The following CORO2B variants were observed in gnomAD, a reference collection of about 807,000 sequenced individuals.
CORO2B encodes coronin 2B, also known as coronin-2B.
Under a neutral mutation model 58.8 loss-of-function variants are expected in CORO2B, and 26 were observed. The ratio of observed to expected loss-of-function variants is 0.44; its 90% CI spans 0.32 to 0.61. The LOEUF (loss-of-function observed/expected upper bound fraction) is 0.61. Among genes scored for constraint, CORO2B ranks in the 20% least tolerant of loss-of-function variants. The probability of loss-of-function intolerance (pLI) is 0.04; values close to 1 mark genes in which losing one functional copy is unlikely to be tolerated. For synonymous variants in CORO2B, 242 were observed against 253.8 expected, an observed-to-expected ratio of 0.95 and a Z score of 0.44; for missense variants, 460 against 645.1, an observed-to-expected ratio of 0.71 and a Z score of 3.11.
intron 1 of CORO2B, among the ~76,000 whole-genome samples, chr15:68,608,826 A>G (rs996148483): frequency 1.3e-5 from 2 of 152,222 alleles, no homozygotes; most frequent in African/African-American, 4.8e-5. Context: ...GGGAGTTGAA[A>G]TTCCGCACTC....
At chr15:68,559,747 C>A in the CORO2B span, 1 of 543,348 alleles carries the variant, frequency 1.8e-6, no homozygotes, top group Non-Finnish European at 2.3e-6. The surrounding 1 kb of genome is among the most constrained non-coding windows in gnomAD (Gnocchi z 4.3). Context: ...CGCCCGAGAC[C>A]GCTCCACGTG....
chr15:68,663,424 T>C (rs1902077504), intron 2 of CORO2B, among the ~76,000 whole-genome samples: 1 of 152,182 alleles, frequency 6.6e-6, no homozygotes, highest in Admixed American at 6.5e-5. Context: ...ATCCCTAGAA[T>C]TTAAATGGAT....
intron 1 of CORO2B, among the ~76,000 whole-genome samples, chr15:68,642,250 A>G (rs1168216769): frequency 6.6e-6 from 1 of 151,904 alleles, no homozygotes; most frequent in African/African-American, 2.4e-5. Flanking sequence ...AGGTTAAGTG[A>G]TTTGCCCAAG....
At chr15:68,672,295 G>A (rs1339587301) in intron 2 of CORO2B, among the ~76,000 whole-genome samples, 3 of 152,024 alleles carry the variant, frequency 2.0e-5, no homozygotes, top group South Asian at 2.1e-4. Context: ...GGGTGCAGTG[G>A]TACAATCATA....
intron 2 of CORO2B, among the ~76,000 whole-genome samples, chr15:68,670,798 T>C (rs1322794972): frequency 6.6e-6 from 1 of 152,202 alleles, no homozygotes; most frequent in African/African-American, 2.4e-5. Context: ...AAAAATATTA[T>C]AATATTGGGT....
Position 68,710,609 on chromosome 15 carries a change from C to A in CORO2B, c.334-123C>A. On this transcript the variant is annotated intron_variant, in intron 3 of 11. Transcript: ENST00000261861. This position sits in a 1 kb window ranked among gnomAD's most constrained non-coding sequence, Gnocchi z 4.1. ...CTCAGTCGAGCTTTGCCCATCGCCT[C>A]AAGCCAGGAGGTGGCTCATCAGGCA... The A allele has an allele frequency of 8.2e-7, 1 of 1,216,354 alleles. No homozygotes were observed. Among genetic ancestry groups the A allele is most frequent in the Non-Finnish European group, 1.1e-6 (1 of 911,842 alleles). 75.3% of individuals were successfully genotyped at this position (1,216,354 alleles called of 1,614,324 possible). A position where few individuals can be genotyped will look rare whatever the true frequency, so the allele number is the denominator to read the frequency against.
At chr15:68,554,278 C>T in the CORO2B span, among the ~76,000 whole-genome samples, 1 of 152,108 alleles carries the variant, frequency 6.6e-6, no homozygotes, top group Non-Finnish European at 1.5e-5. Flanking sequence ...TGTGGAAGGA[C>T]CCTCCAAGGA....
At chr15:68,632,393 G>C (rs1900866434) in intron 1 of CORO2B, 1 of 985,310 alleles carries the variant, frequency 1.0e-6, no homozygotes, top group South Asian at 4.7e-5. Context: ...AGTTGTGATG[G>C]AGTCAGCCAG....
chr15:68,567,630 C>G, the CORO2B span, among the ~76,000 whole-genome samples: 1 of 152,200 alleles, frequency 6.6e-6, no homozygotes, highest in Non-Finnish European at 1.5e-5. Context: ...TCTGAAACTA[C>G]AGTTTTTCCA....
At chr15:68,591,056 A>G (rs1473434315) in intron 1 of CORO2B, among the ~76,000 whole-genome samples, 1 of 152,210 alleles carries the variant, frequency 6.6e-6, no homozygotes, top group African/African-American at 2.4e-5. Flanking sequence ...CTCTGTCTCC[A>G]GGGGGATCCT....
the CORO2B span, among the ~76,000 whole-genome samples, chr15:68,534,635 T>A: frequency 4.6e-5 from 7 of 152,358 alleles, no homozygotes; most frequent in East Asian, 1.4e-3. Context: ...AGGGTACAGC[T>A]GCTTAGCCAA....
rs755154726 is a variant in CORO2B at position 68,718,798 on chromosome 15, C to A, written c.1068C>A (p.Ile356=). Residue 356 remains isoleucine, a synonymous_variant, in exon 9 of 12, where the codon ATC becomes ATA. Coordinates refer to ENST00000261861, the MANE Select transcript of CORO2B (RefSeq NM_006091.5). ...LKGLIEPISM[I]VPRRSDSYQE... The stretch of plus-strand genomic sequence containing the variant: ...GCCTGATCGAGCCCATCTCCATGAT[C>A]GTGCCCCGGAGGGTAAGTGGGGCTG... The A allele has an allele frequency of 1.2e-6, 2 of 1,613,932 alleles. No homozygotes were observed. Among genetic ancestry groups the A allele is most frequent in the East Asian group, 4.5e-5 (2 of 44,868 alleles).
chr15:68,690,368 A>G (rs1892327558), intron 2 of CORO2B, among the ~76,000 whole-genome samples: 1 of 151,672 alleles, frequency 6.6e-6, no homozygotes, highest in African/African-American at 2.4e-5. Context: ...TTTTGCACTT[A>G]CCCCCATATT....
intron 3 of CORO2B, among the ~76,000 whole-genome samples, chr15:68,709,459 G>GT (rs57604810): frequency 0.02 from 1,953 of 99,006 alleles, 83 homozygotes; most frequent in African/African-American, 0.066. Context: ...TTTTTTTCGT[G>GT]TTTTTTTTTT....
chr15:68,708,879 C>T (rs542305381), intron 3 of CORO2B, among the ~76,000 whole-genome samples: 2 of 152,290 alleles, frequency 1.3e-5, no homozygotes, highest in African/African-American at 4.8e-5. Flanking sequence ...CGGAGTCTCA[C>T]TATGTTACCC....
rs990517844 is a variant in CORO2B, at chr15:68,579,137, C to T, written c.-126C>T. The T allele has an allele frequency of 5.1e-6, 5 of 981,446 alleles. No individual in the cohort carries two copies. The African/African-American group carries it at 7.1e-5, about 14-fold the overall frequency. 60.8% of individuals were successfully genotyped at this position (981,446 alleles called of 1,614,324 possible). ...CCGGAGCGCAGCCCCCAGGCTCGGC[C>T]GAGCCGCCGGCGGGGCGCGGGGAGC... On this transcript the variant is annotated 5_prime_UTR_variant, in exon 1 of 12. Transcript: ENST00000261861.
chr15:68,726,135 C>T lies in CORO2B; in HGVS notation c.*161C>T. The T allele has an allele frequency of 2.3e-6, 2 of 861,934 alleles. No homozygotes were observed. Among genetic ancestry groups the T allele is most frequent in the Non-Finnish European group, 3.5e-6 (2 of 565,894 alleles). 53.4% of individuals were successfully genotyped at this position (861,934 alleles called of 1,614,324 possible). The stretch of plus-strand genomic sequence containing the variant: ...TCGAGAACTGGAAGCCAACCTCTAA[C>T]CTCCTGACCTCATGCTAATAAAAGT... On this transcript the variant is annotated 3_prime_UTR_variant, in exon 12 of 12. Coordinates refer to ENST00000261861, the MANE Select transcript of CORO2B (RefSeq NM_006091.5).
chr15:68,665,077 AC>A (rs1372700741), intron 2 of CORO2B, among the ~76,000 whole-genome samples: 5 of 152,070 alleles, frequency 3.3e-5, no homozygotes, highest in South Asian at 2.1e-4. Context: ...TAAAGAAGTA[AC>A]CTTTTTACTA....
intron 2 of CORO2B, among the ~76,000 whole-genome samples, chr15:68,672,159 G>GGGGTGTGTGTGT (rs1555415403): frequency 6.8e-6 from 1 of 146,178 alleles, no homozygotes; most frequent in African/African-American, 2.5e-5. Context: ...GTAATCGGGA[G>GGGGTGTGTGTGT]GTGTGTGTGT....
Sources: gnomAD v4.1 joint callset for allele counts (sites outside exome capture counted in the v4.1 genomes callset) on GRCh38, gnomAD v4.1.1 for gene constraint, Gnocchi (gnomAD v3.1) non-coding constraint, MANE v1.5 for transcripts, NCBI Gene and HGNC (gene_info 2026-07-23, HGNC 2026-07-21) for gene names.